The following TASP1 variants were observed in gnomAD, a reference collection of about 807,000 sequenced individuals.
TASP1 encodes taspase 1.
Under a neutral mutation model 56.6 loss-of-function variants are expected in TASP1, and 16 were observed. That is an observed-to-expected ratio of 0.28 (90% CI 0.19 to 0.43). The LOEUF (loss-of-function observed/expected upper bound fraction) is 0.43. TASP1 is among the 20% of genes least tolerant of loss of function. TASP1 has a pLI of 1.00. For missense variants in TASP1, 393 were observed against 511.6 expected, an observed-to-expected ratio of 0.77 and a Z score of 2.24; for synonymous variants, 179 against 184.2, an observed-to-expected ratio of 0.97 and a Z score of 0.23.
intron 8 of TASP1, among the ~76,000 whole-genome samples, chr20:13,550,578 A>C (rs1568571667): frequency 6.6e-6 from 1 of 152,142 alleles, no homozygotes; most frequent in Non-Finnish European, 1.5e-5. Context: ...TGTAAAAGAT[A>C]AGTCAAAGAA....
the TASP1 span, among the ~76,000 whole-genome samples, chr20:13,209,473 G>T: frequency 6.6e-6 from 1 of 152,070 alleles, no homozygotes; most frequent in Non-Finnish European, 1.5e-5. Flanking sequence ...ACAAATTAAA[G>T]AATTCTTTTA....
At chr20:13,457,971 A>T (rs569203191) in intron 11 of TASP1, among the ~76,000 whole-genome samples, 35 of 152,296 alleles carry the variant, frequency 2.3e-4, no homozygotes, top group African/African-American at 6.5e-4. Context: ...TCATTTTTTT[A>T]AAAATCTAAA....
chr20:13,525,949 G>A (rs2146838704), intron 10 of TASP1, among the ~76,000 whole-genome samples: 1 of 152,272 alleles, frequency 6.6e-6, no homozygotes, highest in East Asian at 1.9e-4. Context: ...GAACTGGAAA[G>A]CTAGAGGTAT....
In TASP1 at chr20:13,540,909, T is replaced by C. The variant is rs149052693; in HGVS notation, c.676-6768A>G. Among the ~76,000 whole-genome samples, 23 of 150,926 alleles carry C rather than the reference T, an allele frequency of 1.5e-4. 2 individuals are homozygous for C. Among genetic ancestry groups the C allele is most frequent in the Middle Eastern group, 3.4e-3 (1 of 292 alleles). ...CAAAAAAAAATCAATAGCAATGTAC[T>C]ATCTTAAAAAACAAAACCAAACATT... On this transcript the variant is annotated intron_variant, in intron 8 of 13. Transcript: ENST00000337743.
intron 11 of TASP1, among the ~76,000 whole-genome samples, chr20:13,450,399 T>A (rs979506350): frequency 3.9e-5 from 6 of 152,110 alleles, no homozygotes; most frequent in African/African-American, 1.4e-4. Flanking sequence ...GCAATGCTGT[T>A]TAATCACATT....
chr20:13,485,919 A>G (rs78082940), intron 10 of TASP1, among the ~76,000 whole-genome samples: 1,818 of 152,332 alleles, frequency 0.012, 27 homozygotes, highest in African/African-American at 0.039. Flanking sequence ...GCTAAACCAC[A>G]TGAAGTTAAC....
At chr20:13,625,089 T>G (rs2048840850) in intron 3 of TASP1, 96 bp downstream of exon 3, 1 of 852,390 alleles carries the variant, frequency 1.2e-6, no homozygotes, top group Non-Finnish European at 1.7e-6. Context: ...ACTGGAAGAC[T>G]GTCCTAGAAA....
At chr20:13,339,518 T>C in the TASP1 span, among the ~76,000 whole-genome samples, 2 of 152,322 alleles carry the variant, frequency 1.3e-5, no homozygotes, top group African/African-American at 4.8e-5. Context: ...TTATAAACTT[T>C]TCCTTCATAT....
the TASP1 span, among the ~76,000 whole-genome samples, chr20:13,378,659 A>G: frequency 6.6e-6 from 1 of 152,088 alleles, no homozygotes; most frequent in African/African-American, 2.4e-5. Context: ...GATCTGTCTG[A>G]TATTGACAGT....
intron 4 of TASP1, among the ~76,000 whole-genome samples, chr20:13,596,479 C>T (rs775635772): frequency 3.3e-5 from 5 of 152,058 alleles, no homozygotes; most frequent in Non-Finnish European, 7.4e-5. Context: ...TTCTTTGAAA[C>T]CAATGAGAAC....
chr20:13,535,128 T>A (rs763445798), intron 8 of TASP1, among the ~76,000 whole-genome samples: 5 of 152,132 alleles, frequency 3.3e-5, no homozygotes, highest in Admixed American at 3.3e-4. Context: ...CAGCTCCTCA[T>A]CCTGTGTGAT....
rs144642151 is a variant in TASP1 at position 13,633,864 on chromosome 20, T to C, written c.-74-3712A>G. Among the ~76,000 whole-genome samples the C allele has an allele frequency of 1.9e-3, 285 of 152,156 alleles. 1 individual carries two copies. The highest frequency in any genetic ancestry group is 6.6e-3 in the African/African-American group (272 of 41,518). ...AAAAAACTTCTATCAATCACTTTAA[T>C]AATGGCTTTATTTCTGACAAAAATG... On this transcript the variant is annotated intron_variant, in intron 1 of 13. Coordinates refer to ENST00000337743, the MANE Select transcript of TASP1 (RefSeq NM_017714.3).
the TASP1 span, among the ~76,000 whole-genome samples, chr20:13,309,660 T>G: frequency 6.6e-6 from 1 of 152,172 alleles, no homozygotes; most frequent in African/African-American, 2.4e-5. Context: ...TGAATTTATC[T>G]CTGTTTGCAG....
the TASP1 span, chr20:13,117,647 C>A: frequency 1.9e-6 from 3 of 1,613,924 alleles, no homozygotes; most frequent in African/African-American, 2.7e-5. Context: ...TTGGACTAGA[C>A]CCTCATGAAG....
the TASP1 span, among the ~76,000 whole-genome samples, chr20:13,211,557 T>A: frequency 6.6e-6 from 1 of 152,198 alleles, no homozygotes; most frequent in South Asian, 2.1e-4. Flanking sequence ...ACTTCTGTTA[T>A]CTCAGTTAAG....
rs936933424 is a variant in TASP1, at chr20:13,591,027, A to C, written c.283-3657T>G. Reference sequence around the variant, plus strand: ...AATAAAAATTATCCAAATAAATGACAAAGTGAAAAAAATACTAAGAAAAGG... The same window carrying C: ...AATAAAAATTATCCAAATAAATGACCAAGTGAAAAAAATACTAAGAAAAGG... On this transcript the variant is annotated intron_variant, in intron 4 of 13. Transcript: ENST00000337743. 3.9e-5 allele frequency among the ~76,000 whole-genome samples: 6 copies of C among 151,912 alleles called. No individual in the cohort carries two copies. In the East Asian group the frequency reaches 5.8e-4, roughly 15 times the overall value.
chr20:13,288,726 C>CT, the TASP1 span: 1 of 1,558,406 alleles, frequency 6.4e-7, no homozygotes, highest in South Asian at 1.2e-5. Flanking sequence ...AAGGGGAAAG[C>CT]TTTTTAATTT....
chr20:13,230,885 A>G, the TASP1 span, among the ~76,000 whole-genome samples: 3 of 152,214 alleles, frequency 2.0e-5, no homozygotes, highest in African/African-American at 7.2e-5. Flanking sequence ...GTGGCTTATC[A>G]GTCAAGAGGT....
chr20:13,215,891 G>A, the TASP1 span, among the ~76,000 whole-genome samples: 1 of 152,170 alleles, frequency 6.6e-6, no homozygotes, highest in East Asian at 1.9e-4. Flanking sequence ...GAGACCCTGG[G>A]AGCACCTCTG....
Sources: gnomAD v4.1 joint callset for allele counts (sites outside exome capture counted in the v4.1 genomes callset) on GRCh38, gnomAD v4.1.1 for gene constraint, MANE v1.5 for transcripts, NCBI Gene and HGNC (gene_info 2026-07-23, HGNC 2026-07-21) for gene names.